The following LDB2 variants were observed in gnomAD, a reference collection of about 807,000 sequenced individuals.
The protein encoded by LDB2 is LIM domain-binding protein 2.
LDB2 carries 12 observed loss-of-function variants against 44.3 expected under a neutral mutation model. The ratio of observed to expected loss-of-function variants is 0.27; its 90% CI spans 0.17 to 0.44. The LOEUF (loss-of-function observed/expected upper bound fraction) is 0.44, where lower values mean the gene tolerates loss of function less well. Ranked by LOEUF, LDB2 falls within the 20% of genes least tolerant of loss-of-function variation. LDB2 has a pLI of 1.00. For synonymous variants in LDB2, 164 were observed against 174.8 expected, an observed-to-expected ratio of 0.94 and a Z score of 0.49; for missense variants, 344 against 473.5, an observed-to-expected ratio of 0.73 and a Z score of 2.54.
chr4:16,510,150 A>C (rs1210927691), intron 6 of LDB2, among the ~76,000 whole-genome samples: 1 of 152,108 alleles, frequency 6.6e-6, no homozygotes, highest in Non-Finnish European at 1.5e-5. Context: ...CACACCAAAA[A>C]AACACCTATG....
chr4:16,637,401 G>A (rs996972073), intron 2 of LDB2, among the ~76,000 whole-genome samples: 1 of 130,704 alleles, frequency 7.7e-6, no homozygotes, highest in Non-Finnish European at 1.6e-5. Flanking sequence ...AAGCAATTAT[G>A]TGGGTGCTTA....
chr4:16,807,590 G>A (rs372730721), intron 1 of LDB2, among the ~76,000 whole-genome samples: 10 of 152,116 alleles, frequency 6.6e-5, no homozygotes, highest in African/African-American at 2.4e-4. Context: ...AAAGATCATT[G>A]GCTGCTTACA....
chr4:16,734,839 G>T (rs1489859795), intron 2 of LDB2, among the ~76,000 whole-genome samples: 1 of 151,560 alleles, frequency 6.6e-6, no homozygotes, highest in African/African-American at 2.4e-5. Context: ...CTCCAGAGTA[G>T]CTGGGACAAC....
intron 2 of LDB2, among the ~76,000 whole-genome samples, chr4:16,643,131 G>A (rs74598843): frequency 0.021 from 2,969 of 140,064 alleles, 27 homozygotes; most frequent in East Asian, 0.052. Context: ...CCACACAATC[G>A]GTTTATTACA....
At position 16,533,504 on chromosome 4, in the gene LDB2, T is replaced by C. The variant is rs1730793717; in HGVS notation, c.616-21400A>G. Among the ~76,000 whole-genome samples the C allele has an allele frequency of 2.0e-5, 3 of 152,190 alleles. No homozygotes were observed. The highest frequency in any genetic ancestry group is 4.4e-5 in the Non-Finnish European group (3 of 68,028). ...ACTTAAGTGGGTCCTAAAAAAGCAA[T>C]GACAAATGACACAATGAAATTGTAT... On this transcript the variant is annotated intron_variant, in intron 5 of 7. Transcript: ENST00000304523. The surrounding 1 kb of genome is among the most constrained non-coding windows in gnomAD (Gnocchi z 4.1).
At chr4:16,566,943 T>C (rs1250978724) in intron 5 of LDB2, among the ~76,000 whole-genome samples, 2 of 152,198 alleles carry the variant, frequency 1.3e-5, no homozygotes, top group Non-Finnish European at 2.9e-5. Context: ...GAAAATGAGA[T>C]GCTATTTTTC....
intron 5 of LDB2, among the ~76,000 whole-genome samples, chr4:16,522,571 G>A (rs969849397): frequency 6.6e-6 from 1 of 152,122 alleles, no homozygotes; most frequent in Non-Finnish European, 1.5e-5. Context: ...TTATATGGGG[G>A]ATTATGGTGT....
chr4:16,574,658 G>C (rs1360799432), intron 5 of LDB2, among the ~76,000 whole-genome samples: 1 of 152,194 alleles, frequency 6.6e-6, no homozygotes, highest in Non-Finnish European at 1.5e-5. Flanking sequence ...AAGGCAACTT[G>C]ATCAATATAA....
At chr4:16,564,327 C>T (rs1655177057) in intron 5 of LDB2, among the ~76,000 whole-genome samples, 1 of 152,170 alleles carries the variant, frequency 6.6e-6, no homozygotes. Flanking sequence ...CGTCACCGCA[C>T]TCCAGCCAGG....
intron 2 of LDB2, among the ~76,000 whole-genome samples, chr4:16,758,278 A>C (rs1767097249): frequency 6.6e-6 from 1 of 152,050 alleles, no homozygotes; most frequent in Non-Finnish European, 1.5e-5. Context: ...ATTACCTATA[A>C]ATTTTTCAAA....
intron 5 of LDB2, among the ~76,000 whole-genome samples, chr4:16,541,479 C>T (rs554246479): frequency 5.1e-4 from 77 of 152,262 alleles, no homozygotes; most frequent in African/African-American, 1.6e-3. Context: ...CTCTTTTCTT[C>T]GTAAATTACC....
At chr4:16,888,750 A>T in intron 1 of LDB2, 1 of 979,092 alleles carries the variant, frequency 1.0e-6, no homozygotes, top group Non-Finnish European at 1.2e-6. Flanking sequence ...GTTCCCAATG[A>T]TGTGGCACCT....
intron 2 of LDB2, among the ~76,000 whole-genome samples, chr4:16,628,098 G>A (rs1730808245): frequency 6.6e-6 from 1 of 152,168 alleles, no homozygotes; most frequent in Non-Finnish European, 1.5e-5. Context: ...AAAGAGAAAC[G>A]AGGCTGCATT....
intron 5 of LDB2, among the ~76,000 whole-genome samples, chr4:16,515,640 C>T (rs1031294023): frequency 2.9e-4 from 44 of 152,074 alleles, no homozygotes; most frequent in African/African-American, 1.0e-3. Flanking sequence ...TCAGAGAAAT[C>T]CTAAAGACTA....
rs138524887 is a variant in LDB2 at position 16,588,732 on chromosome 4, G to C, written c.509C>G (p.Pro170Arg). The part of the protein sequence containing the change: ...FTIRQYRELV[P>R]RSILAMHAQD... The stretch of plus-strand genomic sequence containing the variant: ...TACATGCATGGCTAGGATGCTTCTC[G>C]GGACTAACTCTCGGTATTGTCTAAT... The change falls in exon 4 of 8, where the codon CCG becomes CGG. Residue 170 changes from proline (P) to arginine (R), a missense_variant. Physicochemically the swap from Pro to Arg is moderately radical, Grantham distance 103 (BLOSUM62 -2). This residue lies in a region of LDB2 where 226 missense variants were observed against 270.1 expected (regional missense o/e 0.84). Transcript: ENST00000304523. The C allele has an allele frequency of 2.5e-6, 4 of 1,613,604 alleles. No individual in the cohort carries two copies. Among genetic ancestry groups the C allele is most frequent in the African/African-American group, 2.7e-5 (2 of 74,880 alleles).
At chr4:16,859,888 A>G (rs1711928806) in intron 1 of LDB2, among the ~76,000 whole-genome samples, 1 of 152,232 alleles carries the variant, frequency 6.6e-6, no homozygotes, top group African/African-American at 2.4e-5. Flanking sequence ...GTCAGGCACT[A>G]TGCAAAACGC....
rs188907859 is a variant in LDB2, at chr4:16,690,098, C to A, written c.235+69060G>T. 1.5e-3 allele frequency among the ~76,000 whole-genome samples: 229 copies of A among 152,214 alleles called. 4 individuals are homozygous for A. Among genetic ancestry groups the A allele is most frequent in the Non-Finnish European group, 5.3e-4 (36 of 68,024 alleles). On this transcript the variant is annotated intron_variant, in intron 2 of 7. Transcript: ENST00000304523. ...AGATGGTTGGGCTAATTTTTAATGG[C>A]CATGATCTTAGAAAAGGAACACACT...
chr4:16,774,258 C>A (rs2109375259), intron 1 of LDB2, among the ~76,000 whole-genome samples: 1 of 151,932 alleles, frequency 6.6e-6, no homozygotes, highest in Non-Finnish European at 1.5e-5. Flanking sequence ...TTCCTCAAGG[C>A]TTCCATCCTG....
chr4:16,871,542 A>T (rs1716585598), intron 1 of LDB2, among the ~76,000 whole-genome samples: 1 of 152,126 alleles, frequency 6.6e-6, no homozygotes. Flanking sequence ...TCAAATATTC[A>T]TCTCTGTTGT....
Sources: gnomAD v4.1 joint callset for allele counts (sites outside exome capture counted in the v4.1 genomes callset) on GRCh38, gnomAD v4.1.1 for gene constraint, gnomAD v4.1.1 regional missense constraint, Gnocchi (gnomAD v3.1) non-coding constraint, MANE v1.5 for transcripts, NCBI Gene and HGNC (gene_info 2026-07-23, HGNC 2026-07-21) for gene names.